Variants in RASGRP3 observed in about 807,000 individuals in gnomAD.
RASGRP3 encodes ras guanyl-releasing protein 3.
In RASGRP3, 54 loss-of-function variants were observed where a neutral mutation model predicts 82.7. The observed-to-expected ratio is 0.65, with a 90% confidence interval of 0.52 to 0.82. The LOEUF (loss-of-function observed/expected upper bound fraction) is 0.82. Ranked by LOEUF, RASGRP3 falls within the 40% of genes least tolerant of loss-of-function variation. The probability of loss-of-function intolerance (pLI) is 0.00; values close to 1 mark genes in which losing one functional copy is unlikely to be tolerated. For synonymous variants in RASGRP3, 309 were observed against 300.5 expected, an observed-to-expected ratio of 1.03 and a Z score of -0.29; for missense variants, 861 against 828.9, an observed-to-expected ratio of 1.04 and a Z score of -0.48.
In RASGRP3 at chr2:33,558,713, C is replaced by T; in HGVS notation, c.1747C>T (p.His583Tyr). ...TGAGTTCCCTGGAGTCACTGCTGGA[C>T]ACAGGGATTTAGACAGCAGAGCCAT... ...VFEFPGVTAG[H>Y]RDLDSRAITL... Residue 583 changes from histidine (H) to tyrosine (Y), a missense_variant, in exon 17 of 18, where the codon CAC (histidine) becomes TAC (tyrosine). His to Tyr is a moderately conservative substitution (Grantham distance 83). Coordinates refer to ENST00000403687, the MANE Select transcript of RASGRP3 (RefSeq NM_001139488.2). The T allele has an allele frequency of 6.2e-7, 1 of 1,613,144 alleles. No homozygotes were observed. Among genetic ancestry groups the T allele is most frequent in the Non-Finnish European group, 8.5e-7 (1 of 1,179,560 alleles).
At chr2:33,491,552 A>G (rs1253847504) in intron 1 of RASGRP3, among the ~76,000 whole-genome samples, 1 of 152,228 alleles carries the variant, frequency 6.6e-6, no homozygotes, top group Non-Finnish European at 1.5e-5. Context: ...TATCCTGTGG[A>G]GAAAGACATT....
At chr2:33,516,429 CATTTGTCTATGA>C in intron 3 of RASGRP3, 101 bp from the exon 4 acceptor site, 19 of 658,850 alleles carry the variant, frequency 2.9e-5, no homozygotes, top group Non-Finnish European at 4.9e-5. Flanking sequence ...AATAAAAGAT[CATTTGTCTATGA>C]AAAGTTTTTG....
chr2:33,525,064 G>T (rs1201778916), intron 9 of RASGRP3, among the ~76,000 whole-genome samples: 2 of 134,654 alleles, frequency 1.5e-5, no homozygotes, highest in Non-Finnish European at 3.1e-5. Context: ...CTGGGCGATA[G>T]AGCGAGACTC....
At chr2:33,499,551 C>T (rs113150344) in intron 1 of RASGRP3, among the ~76,000 whole-genome samples, 2 of 152,066 alleles carry the variant, frequency 1.3e-5, no homozygotes, top group African/African-American at 4.8e-5. Flanking sequence ...GAGTGAGACC[C>T]GCATCTCAAA....
chr2:33,509,742 T>C (rs1670749891), intron 1 of RASGRP3, among the ~76,000 whole-genome samples: 1 of 152,216 alleles, frequency 6.6e-6, no homozygotes, highest in Non-Finnish European at 1.5e-5. Context: ...GGATTGTATC[T>C]GTCTTGCTTA....
chr2:33,548,003 C>G (rs1001167679), intron 13 of RASGRP3, among the ~76,000 whole-genome samples: 2 of 152,130 alleles, frequency 1.3e-5, no homozygotes, highest in African/African-American at 4.8e-5. Flanking sequence ...GTGGCATAAA[C>G]AGTACCTGGA....
At chr2:33,515,301 C>G (rs1165948219) in intron 3 of RASGRP3, 95 bp downstream of exon 3, 6 of 1,344,036 alleles carry the variant, frequency 4.5e-6, no homozygotes, top group South Asian at 2.4e-5. Flanking sequence ...AGAGTTCAGT[C>G]TCTGTACCTT....
chr2:33,480,510 G>A (rs1667798540), intron 1 of RASGRP3, among the ~76,000 whole-genome samples: 1 of 152,176 alleles, frequency 6.6e-6, no homozygotes, highest in Admixed American at 6.5e-5. Flanking sequence ...GCTTTGTACA[G>A]GGGGTGTTAT....
chr2:33,440,856 T>A (rs1665185999), intron 1 of RASGRP3, among the ~76,000 whole-genome samples: 1 of 152,150 alleles, frequency 6.6e-6, no homozygotes, highest in African/African-American at 2.4e-5. Flanking sequence ...TTATTAAATT[T>A]CATCTTGAGG....
chr2:33,525,508 A>C (rs952001059), intron 9 of RASGRP3, among the ~76,000 whole-genome samples: 4 of 152,086 alleles, frequency 2.6e-5, no homozygotes, highest in African/African-American at 9.6e-5. Flanking sequence ...CAATAAGGAC[A>C]CTTTTAGCTG....
At chr2:33,468,762 A>G (rs1666869934) in intron 2 of RASGRP3, among the ~76,000 whole-genome samples, 2 of 152,178 alleles carry the variant, frequency 1.3e-5, no homozygotes, top group South Asian at 4.1e-4. Flanking sequence ...AATTTATTCA[A>G]CTACTTTTGG....
rs183848800 is a variant in RASGRP3 at position 33,553,469 on chromosome 2, T to C, written c.1543-2062T>C. Reference sequence around the variant, plus strand: ...TAACTATCATCATTATTATTGCTATTATCATTACCAAGGGCTCCAGAGAAA... The same window carrying C: ...TAACTATCATCATTATTATTGCTATCATCATTACCAAGGGCTCCAGAGAAA... On this transcript the variant is annotated intron_variant, in intron 14 of 17. Coordinates refer to ENST00000403687, the MANE Select transcript of RASGRP3 (RefSeq NM_001139488.2). Among the ~76,000 whole-genome samples the C allele has an allele frequency of 3.4e-4, 52 of 152,286 alleles. 1 individual carries two copies. The highest frequency in any genetic ancestry group is 2.7e-3 in the Admixed American group (42 of 15,302).
At chr2:33,561,080 T>TC (rs1168669390) in intron 17 of RASGRP3, among the ~76,000 whole-genome samples, 1 of 151,960 alleles carries the variant, frequency 6.6e-6, no homozygotes, top group East Asian at 1.9e-4. Flanking sequence ...TTTTTTTTTT[T>TC]CTTTGAGACG....
chr2:33,554,664 G>A lies in RASGRP3; in HGVS notation c.1543-867G>A, dbSNP rs994110629. 2.0e-5 allele frequency among the ~76,000 whole-genome samples: 3 copies of A among 151,984 alleles called. No homozygotes were observed. In the South Asian group the frequency reaches 6.2e-4, roughly 32 times the overall value. On this transcript the variant is annotated intron_variant, in intron 14 of 17. Transcript: ENST00000403687. ...ATTTTTTTGTATTTTTAGTAGAGAC[G>A]GGGTTTCACCATATTAGCCAGGATG...
chr2:33,514,951 GC>G (rs1184756494), intron 2 of RASGRP3, 58 bp from the exon 3 acceptor site: 2 of 589,946 alleles, frequency 3.4e-6, no homozygotes, highest in African/African-American at 1.9e-5. Context: ...GGAAAGTGAT[GC>G]TCTAGTGGGG....
At chr2:33,457,835 A>G (rs1666125269) in intron 2 of RASGRP3, among the ~76,000 whole-genome samples, 1 of 152,192 alleles carries the variant, frequency 6.6e-6, no homozygotes, top group African/African-American at 2.4e-5. Context: ...ACTTCAGAAA[A>G]TGGTTAAAAA....
At chr2:33,470,965 T>C (rs531464585) in intron 2 of RASGRP3, among the ~76,000 whole-genome samples, 1 of 152,292 alleles carries the variant, frequency 6.6e-6, no homozygotes, top group African/African-American at 2.4e-5. Flanking sequence ...GTGGCTCAAA[T>C]GTCTAGAACA....
At chr2:33,460,317 G>A (rs76165702) in intron 2 of RASGRP3, among the ~76,000 whole-genome samples, 14,264 of 152,122 alleles carry the variant, frequency 0.094, 870 homozygotes, top group East Asian at 0.2. Flanking sequence ...AGTTGCATTT[G>A]AAAATAGAAC....
At chr2:33,534,068 C>A in intron 10 of RASGRP3, 1 of 465,042 alleles carries the variant, frequency 2.2e-6, no homozygotes, top group Non-Finnish European at 3.9e-6. Flanking sequence ...CAGCACTGAG[C>A]ACCTGGGAGC....
Sources: gnomAD v4.1 joint callset for allele counts (sites outside exome capture counted in the v4.1 genomes callset) on GRCh38, gnomAD v4.1.1 for gene constraint, MANE v1.5 for transcripts, NCBI Gene and HGNC (gene_info 2026-07-23, HGNC 2026-07-21) for gene names.